OAS3: variants seen among roughly 807,000 people sequenced by gnomAD.
OAS3 encodes the protein 2'-5'-oligoadenylate synthetase 3.
In OAS3, 107 loss-of-function variants were observed where a neutral mutation model predicts 113.0. That is an observed-to-expected ratio of 0.95 (90% confidence interval 0.81 to 1.11). The LOEUF (loss-of-function observed/expected upper bound fraction) is 1.11. Ranked by LOEUF, OAS3 falls within the 50% of genes most tolerant of loss-of-function variation. The probability of loss-of-function intolerance (pLI) is 0.00; values close to 1 mark genes in which losing one functional copy is unlikely to be tolerated. For missense variants in OAS3, 1,258 were observed against 1,389.1 expected (o/e 0.91, Z 1.50); for synonymous variants, 552 against 573.6 (o/e 0.96, Z 0.54).
chr12:112,941,793 C>G lies in OAS3; in HGVS notation c.401C>G (p.Thr134Arg). The change falls in exon 2 of 16, where the codon ACA becomes AGA. Residue 134 changes from threonine (T) to arginine (R), a missense_variant. Physicochemically the swap from Thr to Arg is moderately conservative, Grantham distance 71. Transcript: ENST00000228928. ...SVPGALQFRL[T>R]SVDLEDWMDV... ...CCTGGGGCCCTGCAGTTCCGCCTGA[C>G]ATCCGTAGATCTTGAGGACTGGATG... 1.9e-6 allele frequency: 3 copies of G among 1,614,042 alleles called. No homozygotes were observed. Among genetic ancestry groups the G allele is most frequent in the Non-Finnish European group, 2.5e-6 (3 of 1,179,898 alleles).
At chr12:112,968,324 G>T in intron 14 of OAS3, 150 bp downstream of exon 14, 1 of 1,146,710 alleles carries the variant, frequency 8.7e-7, no homozygotes, top group Non-Finnish European at 1.2e-6. Flanking sequence ...AGGGACAAAC[G>T]GTCAATTTTC....
Position 112,970,403 on chromosome 12 carries a change from G to C in OAS3, c.*430G>C, listed in dbSNP as rs2010604. On this transcript the variant is annotated 3_prime_UTR_variant, in exon 16 of 16. Coordinates refer to ENST00000228928, the MANE Select transcript of OAS3 (RefSeq NM_006187.4). ...GGCCTCTCCTTGCCAAATCTAAATA[G>C]TTTATATAGGGATGGCAGAGAGTTC... 0.75 allele frequency: 165,923 copies of C among 221,938 alleles called. 63,006 individuals carry two copies. Among genetic ancestry groups the C allele is most frequent in the East Asian group, 0.91 (8,282 of 9,072 alleles). 13.7% of individuals were successfully genotyped at this position (221,938 alleles called of 1,614,324 possible).
In OAS3 at chr12:112,938,594, C is replaced by T. The variant is rs376562791; in HGVS notation, c.64C>T (p.Arg22Trp). Residue 22 changes from arginine to tryptophan, a missense_variant, in exon 1 of 16, where the codon CGG (arginine) becomes TGG (tryptophan). Arg to Trp is a moderately radical substitution (Grantham distance 101). Transcript: ENST00000228928. ...GTTCGTGGCCAGAAGGCTGCAGCCG[C>T]GGAAGGAGTTCGTAGAGAAGGCGCG... Reference protein sequence around the residue: ...DRFVARRLQPRKEFVEKARRA... With the variant: ...DRFVARRLQPWKEFVEKARRA... The T allele has an allele frequency of 1.2e-6, 2 of 1,610,544 alleles. No homozygotes were observed. The highest frequency in any genetic ancestry group is 2.7e-5 in the African/African-American group (2 of 74,832).
chr12:112,948,837 G>A (rs1489757648), intron 5 of OAS3, 24 bp from the exon 6 acceptor site: 9 of 1,526,280 alleles, frequency 5.9e-6, no homozygotes, highest in Non-Finnish European at 8.0e-6. Flanking sequence ...CCTGGCTGAG[G>A]CAGCTCCTTC....
Position 112,941,670 on chromosome 12 carries a change from G to A in OAS3, c.278G>A (p.Arg93His), listed in dbSNP as rs770698593. The change falls in exon 2 of 16, where the codon CGC (arginine) becomes CAC (histidine). Residue 93 changes from arginine (R) to histidine (H), a missense_variant. Physicochemically the swap from Arg to His is conservative, Grantham distance 29. Transcript: ENST00000228928. ...AAGAGCTATGTGGACCAGAGGGCCC[G>A]CCGTGCAGAGATCCTCAGTGAGATG... is the stretch of plus-strand genomic sequence containing the variant. ...CFKSYVDQRA[R>H]RAEILSEMRA... 25 of 1,613,928 alleles carry A rather than the reference G, an allele frequency of 1.5e-5. No individual in the cohort carries two copies. Among genetic ancestry groups the A allele is most frequent in the Admixed American group, 1.2e-4 (7 of 60,008 alleles).
At position 112,962,858 on chromosome 12, in the gene OAS3, C is replaced by T. The variant is rs1348470922; in HGVS notation, c.2040C>T (p.Asp680=). Residue 680 remains aspartate (D), a synonymous_variant, in exon 9 of 16, where the codon GAC becomes GAT. Transcript: ENST00000228928. ...VYWTVNYSTE[D]PAMRMHLLGQ... ...GGACGGTCAACTATAGCACTGAGGA[C>T]CCAGCCATGAGAATGCACCTTCTTG... 1 of 1,613,846 alleles carries T rather than the reference C, an allele frequency of 6.2e-7. No homozygotes were observed. Among genetic ancestry groups the T allele is most frequent in the Non-Finnish European group, 8.5e-7 (1 of 1,179,888 alleles).
chr12:112,964,495 C>G (rs983524837), intron 11 of OAS3, 87 bp downstream of exon 11: 10 of 1,390,920 alleles, frequency 7.2e-6, no homozygotes, highest in Non-Finnish European at 9.8e-6. Flanking sequence ...CCACTTCCGC[C>G]CTCGTAGCAA....
In OAS3 at chr12:112,963,163, A is replaced by G. The variant is rs2043903781; in HGVS notation, c.2085-150A>G. The G allele has an allele frequency of 9.4e-7, 1 of 1,058,494 alleles. No individual in the cohort carries two copies. The highest frequency in any genetic ancestry group is 1.6e-5 in the African/African-American group (1 of 62,304). 65.6% of individuals were successfully genotyped at this position (1,058,494 alleles called of 1,614,324 possible). On this transcript the variant is annotated intron_variant, in intron 9 of 15. Coordinates refer to ENST00000228928, the MANE Select transcript of OAS3 (RefSeq NM_006187.4). This position sits in a 1 kb window ranked among gnomAD's most constrained non-coding sequence, Gnocchi z 4.6. ...AATAGCTTTCCAACCAAGGCAGCCA[A>G]TTGAGATCGCTTCTGCACTTGGGCA...
chr12:112,950,926 C>G lies in OAS3; in HGVS notation c.1608C>G (p.Ala536=). ...TGCAGTTCCAGCTGGTGTCCACAGC[C>G]CTGAAGAGCTGGACGGATGTTAGCC... The part of the protein sequence containing the change: ...EALQFQLVST[A]LKSWTDVSLL... Residue 536 remains alanine, a synonymous_variant, in exon 7 of 16, where the codon GCC becomes GCG. Transcript: ENST00000228928. The G allele has an allele frequency of 6.2e-7, 1 of 1,613,936 alleles. No homozygotes were observed. The highest frequency in any genetic ancestry group is 8.5e-7 in the Non-Finnish European group (1 of 1,179,890).
intron 7 of OAS3, among the ~76,000 whole-genome samples, chr12:112,959,940 C>T (rs2043867673): frequency 1.3e-5 from 2 of 152,110 alleles, no homozygotes; most frequent in African/African-American, 4.8e-5. Context: ...TTCCAACATG[C>T]TTATTTTAGT....
chr12:112,949,698 C>A (rs2043771849), intron 6 of OAS3, among the ~76,000 whole-genome samples: 1 of 152,182 alleles, frequency 6.6e-6, no homozygotes, highest in Non-Finnish European at 1.5e-5. Context: ...ATGTCCTCGT[C>A]CACTGAGGCC....
At position 112,944,380 on chromosome 12, in the gene OAS3, T is replaced by A. The variant is rs539600888; in HGVS notation, c.461-96T>A. 1.6e-5 allele frequency: 21 copies of A among 1,338,104 alleles called. No homozygotes were observed. The South Asian group carries it at 2.5e-4, about 16-fold the overall frequency. 82.9% of individuals were successfully genotyped at this position (1,338,104 alleles called of 1,614,324 possible). ...TTCTTCCCCTCTGAATTCTTCCCAC[T>A]CTCTCTCAGCGCCCCAGGCTGAGCT... On this transcript the variant is annotated intron_variant, in intron 2 of 15. Coordinates refer to ENST00000228928, the MANE Select transcript of OAS3 (RefSeq NM_006187.4).
intron 7 of OAS3, among the ~76,000 whole-genome samples, chr12:112,951,882 C>T (rs938969094): frequency 6.6e-5 from 10 of 150,400 alleles, no homozygotes; most frequent in Admixed American, 2.7e-4. Context: ...CATGGTGGCA[C>T]GCACCTGTAA....
chr12:112,957,031 C>T (rs1045883708), intron 7 of OAS3, among the ~76,000 whole-genome samples: 4 of 152,034 alleles, frequency 2.6e-5, no homozygotes, highest in Non-Finnish European at 4.4e-5. Context: ...CTGTATTGGG[C>T]GCATATATAT....
rs750746250 is a variant in OAS3 at position 112,938,517 on chromosome 12, T to C, written c.-14T>C. 5 of 1,558,642 alleles carry C rather than the reference T, an allele frequency of 3.2e-6. No individual in the cohort carries two copies. Among genetic ancestry groups the C allele is most frequent in the South Asian group, 1.2e-5 (1 of 84,626 alleles). On this transcript the variant is annotated 5_prime_UTR_variant, in exon 1 of 16. Coordinates refer to ENST00000228928, the MANE Select transcript of OAS3 (RefSeq NM_006187.4). Reference sequence around the variant, plus strand: ...CCAGAGCCCTGCTTCCCCTTGCACCTGCGCCGGGCGGCCATGGACTTGTAC... The same window carrying C: ...CCAGAGCCCTGCTTCCCCTTGCACCCGCGCCGGGCGGCCATGGACTTGTAC...
Position 112,963,324 on chromosome 12 carries a change from T to C in OAS3, c.2096T>C (p.Leu699Pro). The C allele has an allele frequency of 6.3e-7, 1 of 1,575,246 alleles. No homozygotes were observed. The highest frequency in any genetic ancestry group is 1.8e-5 in the Admixed American group (1 of 56,282). Reference sequence around the variant, plus strand: ...TGCTGTGCCCCCAGACCCCTGGTCCTGGACCCCGCTGATCCCACCTGGAAC... The same window carrying C: ...TGCTGTGCCCCCAGACCCCTGGTCCCGGACCCCGCTGATCCCACCTGGAAC... Reference protein sequence around the residue: ...GQLRKPRPLVLDPADPTWNVG... With the variant: ...GQLRKPRPLVPDPADPTWNVG... Residue 699 changes from leucine (L) to proline (P), a missense_variant, in exon 10 of 16, where the codon CTG becomes CCG. Transcript: ENST00000228928. This position sits in a 1 kb window ranked among gnomAD's most constrained non-coding sequence, Gnocchi z 4.6.
At position 112,950,993 on chromosome 12, in the gene OAS3, G is replaced by T; in HGVS notation, c.1657+18G>T. 5 of 1,606,584 alleles carry T rather than the reference G, an allele frequency of 3.1e-6. No homozygotes were observed. The highest frequency in any genetic ancestry group is 4.3e-6 in the Non-Finnish European group (5 of 1,175,904). On this transcript the variant is annotated intron_variant, in intron 7 of 15. Transcript: ENST00000228928. ...TGCTGTGGGTGAGGGCGCCCAGCCT[G>T]TCCCTTGGAGAGTGATAGGGACCTC... is the stretch of plus-strand genomic sequence containing the variant.
intron 11 of OAS3, 41 bp downstream of exon 11, chr12:112,964,449 G>A (rs891616303): frequency 6.3e-6 from 10 of 1,584,602 alleles, no homozygotes; most frequent in African/African-American, 1.3e-5. Flanking sequence ...TGTCCTGCAA[G>A]CTGGTGATCT....
chr12:112,948,358 C>T (rs1281586132), intron 5 of OAS3, among the ~76,000 whole-genome samples: 4 of 151,948 alleles, frequency 2.6e-5, no homozygotes, highest in Non-Finnish European at 5.9e-5. Flanking sequence ...CGAAAATTAG[C>T]CAGGCATGGT....
Sources: gnomAD v4.1 joint callset for allele counts (sites outside exome capture counted in the v4.1 genomes callset) on GRCh38, gnomAD v4.1.1 for gene constraint, Gnocchi (gnomAD v3.1) non-coding constraint, MANE v1.5 for transcripts, NCBI Gene and HGNC (gene_info 2026-07-23, HGNC 2026-07-21) for gene names.